Variants in ANKRD16 observed in about 807,000 individuals in gnomAD.
ANKRD16 encodes ankyrin repeat domain 16.
Under a neutral mutation model 37.9 loss-of-function variants are expected in ANKRD16, and 35 were observed. The ratio of observed to expected loss-of-function variants is 0.92; its 90% CI spans 0.71 to 1.23. The LOEUF is 1.23. ANKRD16 is among the 50% of genes most tolerant of loss of function. The pLI is 0.00. For missense variants in ANKRD16, 480 were observed against 469.9 expected (o/e 1.02, Z -0.20); for synonymous variants, 206 against 197.2 (o/e 1.04, Z -0.37).
In ANKRD16 at chr10:5,864,339, C is replaced by T. The variant is rs546787676; in HGVS notation, c.*34-1648G>A. ...GAAATCTCCAAGGGACCACAACCTC[C>T]CCCCCACCCCTGCTATCGGTTATGT... On this transcript the variant is annotated intron_variant, in intron 7 of 7. Coordinates refer to ENST00000380094, the MANE Select transcript of ANKRD16 (RefSeq NM_019046.3). The surrounding 1 kb of genome is among the most constrained non-coding windows in gnomAD (Gnocchi z 4.4). 6.0e-4 allele frequency among the ~76,000 whole-genome samples: 91 copies of T among 152,154 alleles called. No individual in the cohort carries two copies. The highest frequency in any genetic ancestry group is 2.0e-3 in the African/African-American group (84 of 41,474).
At chr10:5,884,589 A>G (rs1450373275) in intron 3 of ANKRD16, among the ~76,000 whole-genome samples, 1 of 152,052 alleles carries the variant, frequency 6.6e-6, no homozygotes, top group Admixed American at 6.6e-5. Context: ...AAAATTAGCC[A>G]GGTATGGTGG....
chr10:5,877,678 T>A (rs1334933676), intron 7 of ANKRD16, among the ~76,000 whole-genome samples: 1 of 152,242 alleles, frequency 6.6e-6, no homozygotes, highest in East Asian at 1.9e-4. Context: ...CCAACTGCAT[T>A]TTATAGCTCA....
In ANKRD16 at chr10:5,871,198, C is replaced by T. The variant is rs185572111; in HGVS notation, c.*33+6899G>A. On this transcript the variant is annotated intron_variant, in intron 7 of 7. Transcript: ENST00000380094. This position sits in a 1 kb window ranked among gnomAD's most constrained non-coding sequence, Gnocchi z 4.5. ...GGTTGGGAGTTCGAGACCAGCCTGA[C>T]CAACATGGAGAAACCCTGTCTCTAC... Among the ~76,000 whole-genome samples, 699 of 152,120 alleles carry T rather than the reference C, an allele frequency of 4.6e-3. 6 individuals are homozygous for T. The highest frequency in any genetic ancestry group is 0.016 in the African/African-American group (658 of 41,490).
chr10:5,888,599 C>G (rs1241436565), intron 1 of ANKRD16, among the ~76,000 whole-genome samples: 1 of 152,230 alleles, frequency 6.6e-6, no homozygotes, highest in East Asian at 1.9e-4. Flanking sequence ...TACAACTGCA[C>G]TGTGCTCTAC....
rs1841957860 is a variant in ANKRD16 at position 5,862,524 on chromosome 10, G to A, written c.*201C>T. On this transcript the variant is annotated 3_prime_UTR_variant, in exon 8 of 8. Coordinates refer to ENST00000380094, the MANE Select transcript of ANKRD16 (RefSeq NM_019046.3). This position sits in a 1 kb window ranked among gnomAD's most constrained non-coding sequence, Gnocchi z 6.5. ...GCTGACCTTGGGGGCCAGTGCAGAT[G>A]TGGCACTGACTTCACCACTGGTACA... 1.8e-6 allele frequency: 2 copies of A among 1,081,644 alleles called. No individual in the cohort carries two copies. The highest frequency in any genetic ancestry group is 2.5e-6 in the Non-Finnish European group (2 of 803,934). 67.0% of individuals were successfully genotyped at this position (1,081,644 alleles called of 1,614,324 possible).
At chr10:5,879,595 T>TA (rs1180594231) in intron 6 of ANKRD16, among the ~76,000 whole-genome samples, 8 of 151,960 alleles carry the variant, frequency 5.3e-5, no homozygotes, top group East Asian at 1.9e-4. Flanking sequence ...ATATTCTAAA[T>TA]AAAAAAAATC....
Position 5,872,113 on chromosome 10 carries a change from C to T in ANKRD16, c.*33+5984G>A, listed in dbSNP as rs373547259. ...ACAAGACTCAATATGGACAGTAATA[C>T]GATGGAGCATAAGACGGCCATGAAA... On this transcript the variant is annotated intron_variant, in intron 7 of 7. Transcript: ENST00000380094. 2.4e-4 allele frequency among the ~76,000 whole-genome samples: 36 copies of T among 152,168 alleles called. No individual in the cohort carries two copies. In the East Asian group the frequency reaches 2.5e-3, roughly 11 times the overall value.
Position 5,876,041 on chromosome 10 carries a change from G to A in ANKRD16, c.*33+2056C>T, listed in dbSNP as rs547284399. ...TGGGATTACAGGCGCATGCCACCAC[G>A]CCGGGCTAATTGTTGTATTTTTAGA... On this transcript the variant is annotated intron_variant, in intron 7 of 7. Transcript: ENST00000380094. Among the ~76,000 whole-genome samples, 106 of 152,286 alleles carry A rather than the reference G, an allele frequency of 7.0e-4. 1 individual carries two copies. The South Asian group carries it at 0.02, about 29-fold the overall frequency.
chr10:5,872,741 A>T (rs1190646880), intron 7 of ANKRD16, among the ~76,000 whole-genome samples: 1 of 151,486 alleles, frequency 6.6e-6, no homozygotes, highest in African/African-American at 2.4e-5. Context: ...TATTTTTAGT[A>T]GAGACGGGAT....
intron 7 of ANKRD16, among the ~76,000 whole-genome samples, chr10:5,877,144 GCT>G (rs1842198555): frequency 6.6e-6 from 1 of 151,410 alleles, no homozygotes; most frequent in African/African-American, 2.4e-5. Flanking sequence ...ACGGAGTCAT[GCT>G]CTGTCGCCCA....
intron 2 of ANKRD16, among the ~76,000 whole-genome samples, chr10:5,886,080 C>T (rs191874080): frequency 4.6e-4 from 70 of 152,256 alleles, no homozygotes; most frequent in African/African-American, 1.7e-3. Context: ...CATTTTTGCC[C>T]AGGAAATGCA....
In ANKRD16 at chr10:5,878,388, T is replaced by C. The variant is rs1228172575; in HGVS notation, c.929-101A>G. On this transcript the variant is annotated intron_variant, in intron 6 of 7. Coordinates refer to ENST00000380094, the MANE Select transcript of ANKRD16 (RefSeq NM_019046.3). The surrounding 1 kb of genome is among the most constrained non-coding windows in gnomAD (Gnocchi z 5.1). Reference sequence around the variant, plus strand: ...CCAATAAAAATATCAATTCTTTCAATATCTTCCGTAATCCATCTTCACAAC... The same window carrying C: ...CCAATAAAAATATCAATTCTTTCAACATCTTCCGTAATCCATCTTCACAAC... 1.9e-6 allele frequency: 2 copies of C among 1,078,306 alleles called. No individual in the cohort carries two copies. Among genetic ancestry groups the C allele is most frequent in the Admixed American group, 2.6e-5 (1 of 37,744 alleles). 66.8% of individuals were successfully genotyped at this position (1,078,306 alleles called of 1,614,324 possible). A position where few individuals can be genotyped will look rare whatever the true frequency, so the allele number is the denominator to read the frequency against.
Position 5,871,184 on chromosome 10 carries a change from C to T in ANKRD16, c.*33+6913G>A, listed in dbSNP as rs997805018. Among the ~76,000 whole-genome samples, 11 of 151,940 alleles carry T rather than the reference C, an allele frequency of 7.2e-5. No homozygotes were observed. The highest frequency in any genetic ancestry group is 1.6e-4 in the Non-Finnish European group (11 of 67,980). ...GGCGGATCACCTGAGGTTGGGAGTT[C>T]GAGACCAGCCTGACCAACATGGAGA... On this transcript the variant is annotated intron_variant, in intron 7 of 7. Transcript: ENST00000380094. This position sits in a 1 kb window ranked among gnomAD's most constrained non-coding sequence, Gnocchi z 4.5.
rs1467778398 is a variant in ANKRD16, at chr10:5,863,323, T to C, written c.*34-632A>G. ...CGCTCACAAAGTTAGAGGGCAGAGCTCATATTAAAGGTTCATACTGAGAGG... is the reference window on the plus strand; with the variant it reads ...CGCTCACAAAGTTAGAGGGCAGAGCCCATATTAAAGGTTCATACTGAGAGG... On this transcript the variant is annotated intron_variant, in intron 7 of 7. Coordinates refer to ENST00000380094, the MANE Select transcript of ANKRD16 (RefSeq NM_019046.3). The surrounding 1 kb of genome is among the most constrained non-coding windows in gnomAD (Gnocchi z 4.7). 6.6e-6 allele frequency among the ~76,000 whole-genome samples: 1 copy of C among 151,876 alleles called. No individual in the cohort carries two copies. The highest frequency in any genetic ancestry group is 1.5e-5 in the Non-Finnish European group (1 of 68,008).
Position 5,871,528 on chromosome 10 carries a change from T to C in ANKRD16, c.*33+6569A>G, listed in dbSNP as rs1842090038. 6.6e-6 allele frequency among the ~76,000 whole-genome samples: 1 copy of C among 152,212 alleles called. No homozygotes were observed. The highest frequency in any genetic ancestry group is 1.5e-5 in the Non-Finnish European group (1 of 68,036). On this transcript the variant is annotated intron_variant, in intron 7 of 7. Coordinates refer to ENST00000380094, the MANE Select transcript of ANKRD16 (RefSeq NM_019046.3). The surrounding 1 kb of genome is among the most constrained non-coding windows in gnomAD (Gnocchi z 4.5). The stretch of plus-strand genomic sequence containing the variant: ...TTATTATCCATTCTTGTAGGAAACG[T>C]AATAAATGTGCTCCACAAATCCCCC...
intron 5 of ANKRD16, among the ~76,000 whole-genome samples, chr10:5,881,441 TA>T (rs1564417893): frequency 0.015 from 324 of 21,276 alleles, 4 homozygotes; most frequent in South Asian, 0.04. Flanking sequence ...ATATTATTTA[TA>T]TATATATATA....
chr10:5,883,897 G>A (rs1842364229), intron 4 of ANKRD16, 72 bp downstream of exon 4: 2 of 1,339,470 alleles, frequency 1.5e-6, no homozygotes, highest in South Asian at 2.5e-5. Context: ...GAGTAACAAT[G>A]TGCTCTGCTT....
At chr10:5,872,445 C>T (rs1015467725) in intron 7 of ANKRD16, among the ~76,000 whole-genome samples, 2 of 152,108 alleles carry the variant, frequency 1.3e-5, no homozygotes, top group Non-Finnish European at 2.9e-5. Context: ...CGCCACTATA[C>T]CCCGGCCTGG....
chr10:5,882,427 G>C (rs577350741), intron 5 of ANKRD16, among the ~76,000 whole-genome samples: 3 of 150,584 alleles, frequency 2.0e-5, no homozygotes, highest in Admixed American at 2.0e-4. Flanking sequence ...CTGTAATCCA[G>C]CCTGGGCAAA....
Sources: gnomAD v4.1 joint callset for allele counts (sites outside exome capture counted in the v4.1 genomes callset) on GRCh38, gnomAD v4.1.1 for gene constraint, Gnocchi (gnomAD v3.1) non-coding constraint, MANE v1.5 for transcripts, NCBI Gene and HGNC (gene_info 2026-07-23, HGNC 2026-07-21) for gene names.